Variants in AHR observed in about 807,000 individuals in gnomAD.
AHR encodes the protein aryl hydrocarbon receptor, also known as AH-receptor.
AHR carries 40 observed loss-of-function variants against 86.8 expected under a neutral mutation model. The ratio of observed to expected loss-of-function variants is 0.46; its 90% confidence interval spans 0.36 to 0.60. AHR has a LOEUF of 0.60. AHR is among the 20% of genes least tolerant of loss of function. The pLI is 0.00. For missense variants in AHR, 1,001 were observed against 1,011.6 expected (o/e 0.99, Z 0.14); for synonymous variants, 398 against 354.9 (o/e 1.12, Z -1.37).
intron 2 of AHR, among the ~76,000 whole-genome samples, chr7:17,319,109 C>T (rs1185591185): frequency 6.6e-6 from 1 of 152,030 alleles, no homozygotes; most frequent in Non-Finnish European, 1.5e-5. Context: ...CTATTAGATA[C>T]TAATTACTGC....
chr7:17,324,840 T>C (rs1417815361), intron 3 of AHR, among the ~76,000 whole-genome samples: 1 of 152,118 alleles, frequency 6.6e-6, no homozygotes, highest in Non-Finnish European at 1.5e-5. Context: ...AAGACATCTT[T>C]CTAGGTTAGC....
intron 4 of AHR, 37 bp downstream of exon 4, chr7:17,327,885 A>G: frequency 1.1e-6 from 1 of 936,710 alleles, no homozygotes; most frequent in Non-Finnish European, 1.4e-6. Context: ...ATATTATTAT[A>G]TCATTTACTT....
chr7:17,303,970 G>A (rs17722841), intron 1 of AHR, among the ~76,000 whole-genome samples: 18,703 of 152,038 alleles, frequency 0.12, 1,565 homozygotes, highest in Non-Finnish European at 0.19. Context: ...GTTATATGTT[G>A]GGATCATGGT....
chr7:17,339,156 C>G lies in AHR; in HGVS notation c.1331C>G (p.Ser444Cys), dbSNP rs767404009. The G allele has an allele frequency of 5.6e-6, 9 of 1,614,166 alleles. No homozygotes were observed. The highest frequency in any genetic ancestry group is 1.7e-5 in the Admixed American group (1 of 60,018). The change falls in exon 10 of 11, where the codon TCC becomes TGC. Residue 444 changes from serine to cysteine, a missense_variant. Ser to Cys is a moderately radical substitution (Grantham distance 112). Around this residue, in one of 2 missense-constraint regions of AHR, gnomAD observed 607 missense variants for 543.1 expected, o/e 1.12. Transcript: ENST00000242057. The stretch of plus-strand genomic sequence containing the variant: ...AGTGGAAAAGACTCTGCTACCACAT[C>G]CACTCTAAGCAAGGACTCTCTCAAT... The part of the protein sequence containing the change: ...GTSGKDSATT[S>C]TLSKDSLNPS...
At chr7:17,333,850 A>G in intron 6 of AHR, 62 bp from the exon 7 acceptor site, 1 of 1,400,918 alleles carries the variant, frequency 7.1e-7, no homozygotes, top group Non-Finnish European at 1.0e-6. Flanking sequence ...GAGCCTTTTA[A>G]AAAGGCACTA....
chr7:17,313,317 A>T (rs1251694218), intron 2 of AHR, among the ~76,000 whole-genome samples: 1 of 152,104 alleles, frequency 6.6e-6, no homozygotes, highest in Non-Finnish European at 1.5e-5. Flanking sequence ...AGTTGGACCC[A>T]CTCTTCCACT....
intron 6 of AHR, 30 bp from the exon 7 acceptor site, chr7:17,333,882 G>A (rs779434112): frequency 6.3e-7 from 1 of 1,578,896 alleles, no homozygotes; most frequent in Non-Finnish European, 8.7e-7. Flanking sequence ...TAATTTTAAT[G>A]AACTTTTTTG....
intron 10 of AHR, 76 bp from the exon 11 acceptor site, chr7:17,342,845 A>T: frequency 2.2e-6 from 3 of 1,390,110 alleles, no homozygotes; most frequent in Non-Finnish European, 3.0e-6. Flanking sequence ...TTAAAAATAC[A>T]TGTTAATGTT....
intron 1 of AHR, among the ~76,000 whole-genome samples, chr7:17,309,236 C>T (rs1782037392): frequency 6.6e-6 from 1 of 152,142 alleles, no homozygotes; most frequent in Non-Finnish European, 1.5e-5. Context: ...GCTACGAAAG[C>T]TAATAATTAA....
In AHR at chr7:17,338,986, A is replaced by C; in HGVS notation, c.1161A>C (p.Thr387=). 1.9e-6 allele frequency: 3 copies of C among 1,579,954 alleles called. No individual in the cohort carries two copies. The highest frequency in any genetic ancestry group is 2.7e-5 in the African/African-American group (2 of 73,676). The change falls in exon 10 of 11, where the codon ACA becomes ACC. Residue 387 remains threonine, a splice_region_variant and synonymous_variant. Transcript: ENST00000242057. ...DYIIVTQRPL[T]DEEGTEHLRK... ...AAGACTTTTTTGTACACAATTTTAG[A>C]GATGAGGAAGGAACAGAGCATTTAC...
At chr7:17,309,277 AG>A (rs1782038501) in intron 1 of AHR, among the ~76,000 whole-genome samples, 2 of 152,192 alleles carry the variant, frequency 1.3e-5, no homozygotes, top group African/African-American at 4.8e-5. Context: ...TAAAAGCAAA[AG>A]TTGCTGGTAA....
chr7:17,315,300 A>G (rs563833070), intron 2 of AHR, among the ~76,000 whole-genome samples: 1 of 152,192 alleles, frequency 6.6e-6, no homozygotes, highest in South Asian at 2.1e-4. Flanking sequence ...ATATGAATAA[A>G]TTAATATGAT....
In AHR at chr7:17,344,792, G is replaced by A. The variant is rs1318055732; in HGVS notation, c.*1728G>A. 4.6e-5 allele frequency: 7 copies of A among 151,722 alleles called. No homozygotes were observed. The highest frequency in any genetic ancestry group is 1.0e-4 in the Non-Finnish European group (7 of 67,996). The allele number at this position is 151,722 out of a possible 1,614,324, so 9.4% of individuals were successfully genotyped here. The stretch of plus-strand genomic sequence containing the variant: ...TTACAGGCATGTGCCACCATGCCCA[G>A]CTAATTTTTGTATTTTTAGTAGAAA... On this transcript the variant is annotated 3_prime_UTR_variant, in exon 11 of 11. Coordinates refer to ENST00000242057, the MANE Select transcript of AHR (RefSeq NM_001621.5).
chr7:17,342,285 C>A (rs1235292583), intron 10 of AHR, among the ~76,000 whole-genome samples: 1 of 151,974 alleles, frequency 6.6e-6, no homozygotes, highest in African/African-American at 2.4e-5. Context: ...TTATAGAAAC[C>A]AGATTCATTG....
At position 17,299,094 on chromosome 7, in the gene AHR, C is replaced by T. The variant is rs539905915; in HGVS notation, c.-171C>T. ...CGCGGGCTGCGGAAGCCTGCGTGAG[C>T]CGAGGCGTTGAGGCGCGGCGCCCAC... On this transcript the variant is annotated 5_prime_UTR_variant, in exon 1 of 11. Transcript: ENST00000242057. The T allele has an allele frequency of 6.2e-6, 4 of 643,672 alleles. No homozygotes were observed. The highest frequency in any genetic ancestry group is 9.8e-6 in the Non-Finnish European group (4 of 409,546). The allele number at this position is 643,672 out of a possible 1,614,324, so 39.9% of individuals were successfully genotyped here.
In AHR at chr7:17,312,914, C is replaced by T. The variant is rs368163339; in HGVS notation, c.253+2791C>T. On this transcript the variant is annotated intron_variant, in intron 2 of 10. Transcript: ENST00000242057. ...AATCAGTATTTTAACAAGCATGTTA[C>T]GGAGTCTGAGGCAGTGATTTAGCCT... is the stretch of plus-strand genomic sequence containing the variant. 8.5e-5 allele frequency among the ~76,000 whole-genome samples: 13 copies of T among 152,272 alleles called. No individual in the cohort carries two copies. The South Asian group carries it at 1.9e-3, about 22-fold the overall frequency.
intron 2 of AHR, among the ~76,000 whole-genome samples, chr7:17,312,276 A>G (rs994580533): frequency 3.3e-5 from 5 of 151,966 alleles, no homozygotes; most frequent in Admixed American, 2.0e-4. Flanking sequence ...TTATTCTCTG[A>G]CTCTGATAAA....
At chr7:17,325,852 C>T (rs1259700063) in intron 3 of AHR, among the ~76,000 whole-genome samples, 1 of 152,100 alleles carries the variant, frequency 6.6e-6, no homozygotes, top group Non-Finnish European at 1.5e-5. Flanking sequence ...AAGTACTAGG[C>T]TTAATACCTG....
At chr7:17,321,908 T>A (rs1479311198) in intron 2 of AHR, among the ~76,000 whole-genome samples, 1 of 152,052 alleles carries the variant, frequency 6.6e-6, no homozygotes, top group African/African-American at 2.4e-5. Context: ...AAGACATTAA[T>A]TCTCCATGAG....
Sources: allele counts gnomAD v4.1 joint callset (sites outside exome capture counted in the v4.1 genomes callset), GRCh38; gene constraint gnomAD v4.1.1; regional missense constraint gnomAD v4.1.1; transcripts MANE v1.5; gene names NCBI Gene and HGNC (gene_info 2026-07-23, HGNC 2026-07-21).